EIF2AK4: variants seen among roughly 807,000 people sequenced by gnomAD.
The protein encoded by EIF2AK4 is eIF-2-alpha kinase GCN2.
EIF2AK4 carries 139 observed loss-of-function variants against 211.1 expected under a neutral mutation model. The ratio of observed to expected loss-of-function variants is 0.66; its 90% CI spans 0.57 to 0.76. The LOEUF is 0.76. Among genes scored for constraint, EIF2AK4 ranks in the 30% least tolerant of loss-of-function variants. The pLI, the probability that EIF2AK4 is intolerant of heterozygous loss-of-function variation, is 0.00. For missense variants in EIF2AK4, 1,664 were observed against 2,043.8 expected (o/e 0.81, Z 3.58); for synonymous variants, 710 against 751.3 (o/e 0.94, Z 0.90).
chr15:40,030,932 G>A (rs942663560), intron 35 of EIF2AK4, among the ~76,000 whole-genome samples: 5 of 152,150 alleles, frequency 3.3e-5, no homozygotes, highest in Non-Finnish European at 7.4e-5. Flanking sequence ...GCATTATATA[G>A]AGAATAATAA....
At chr15:40,025,075 C>T (rs1339864304) in intron 32 of EIF2AK4, among the ~76,000 whole-genome samples, 3 of 152,254 alleles carry the variant, frequency 2.0e-5, no homozygotes, top group African/African-American at 7.2e-5. Flanking sequence ...CTCAAGAATT[C>T]GTGGTCCTGG....
In EIF2AK4 at chr15:39,990,323, T is replaced by C. The variant is rs201184165; in HGVS notation, c.2577T>C (p.Asp859=). The C allele has an allele frequency of 1.2e-6, 2 of 1,614,222 alleles. No individual in the cohort carries two copies. Among genetic ancestry groups the C allele is most frequent in the Admixed American group, 3.3e-5 (2 of 60,026 alleles). The change falls in exon 16 of 39, where the codon GAT becomes GAC. Residue 859 remains aspartate, a synonymous_variant. Transcript: ENST00000263791. ...LKPVNIFLDS[D]DHVKIGDFGL... is the part of the protein sequence containing the mutation. ...CTGTCAACATTTTTTTGGATTCTGA[T>C]GACCATGTGAAAATAGGTGATTTTG...
chr15:39,988,654 G>A (rs1311915637), intron 15 of EIF2AK4, among the ~76,000 whole-genome samples: 1 of 152,146 alleles, frequency 6.6e-6, no homozygotes, highest in African/African-American at 2.4e-5. Context: ...TAACCTCTGG[G>A]AGAGGAGAAA....
At chr15:40,002,854 TG>T in intron 22 of EIF2AK4, 66 bp downstream of exon 22, 1 of 1,545,760 alleles carries the variant, frequency 6.5e-7, no homozygotes, top group South Asian at 1.1e-5. Flanking sequence ...TAGAAAGTAC[TG>T]TTAGTGTTCG....
chr15:40,013,774 T>C lies in EIF2AK4; in HGVS notation c.3759+2428T>C, dbSNP rs900150799. 2.9e-4 allele frequency among the ~76,000 whole-genome samples: 44 copies of C among 152,192 alleles called. 1 individual carries two copies. The highest frequency in any genetic ancestry group is 2.5e-4 in the Non-Finnish European group (17 of 68,030). ...GATGAAATTTGCATGGGGACACAGC[T>C]AAACCATATCATTCTACCCATGGCC... is the stretch of plus-strand genomic sequence containing the variant. On this transcript the variant is annotated intron_variant, in intron 27 of 38. Coordinates refer to ENST00000263791, the MANE Select transcript of EIF2AK4 (RefSeq NM_001013703.4).
At chr15:40,019,824 A>G (rs943736290) in intron 30 of EIF2AK4, among the ~76,000 whole-genome samples, 1 of 152,176 alleles carries the variant, frequency 6.6e-6, no homozygotes, top group Non-Finnish European at 1.5e-5. Context: ...AACGTACCAT[A>G]TAAATGTGAG....
chr15:40,027,981 C>T (rs750853442), intron 33 of EIF2AK4, among the ~76,000 whole-genome samples: 1 of 151,664 alleles, frequency 6.6e-6, no homozygotes, highest in Non-Finnish European at 1.5e-5. Flanking sequence ...AAAAAAATGT[C>T]TAGAAGAACG....
chr15:39,943,369 T>TG lies in EIF2AK4; in HGVS notation c.258-14_258-13insG. Reference sequence around the variant, plus strand: ...AGTAACTCTTTTTTTTTTTTTTTTTTTTGCCTTTTCCAGAGTTCCTGAAAT... The same window carrying TG: ...AGTAACTCTTTTTTTTTTTTTTTTTTGTTGCCTTTTCCAGAGTTCCTGAAAT... On this transcript the variant is annotated splice_polypyrimidine_tract_variant and intron_variant, in intron 2 of 38. Coordinates refer to ENST00000263791, the MANE Select transcript of EIF2AK4 (RefSeq NM_001013703.4). 7.1e-7 allele frequency: 1 copy of TG among 1,405,224 alleles called. No homozygotes were observed. The highest frequency in any genetic ancestry group is 9.5e-7 in the Non-Finnish European group (1 of 1,050,814). 87.0% of individuals were successfully genotyped at this position (1,405,224 alleles called of 1,614,324 possible). A position where few individuals can be genotyped will look rare whatever the true frequency, so the allele number is the denominator to read the frequency against.
At chr15:40,022,447 A>G in intron 31 of EIF2AK4, 72 bp from the exon 32 acceptor site, 1 of 1,254,666 alleles carries the variant, frequency 8.0e-7, no homozygotes, top group Non-Finnish European at 1.1e-6. Context: ...CAGTATTTTC[A>G]TTCTCCTTAA....
intron 13 of EIF2AK4, among the ~76,000 whole-genome samples, chr15:39,982,941 A>C (rs866281922): frequency 6.6e-6 from 1 of 152,310 alleles, no homozygotes; most frequent in South Asian, 2.1e-4. Context: ...TATCCAGTCT[A>C]TCATTGATGG....
rs758217355 is a variant in EIF2AK4 at position 39,967,751 on chromosome 15, G to A, written c.1425G>A (p.Thr475=). ...RFSDNALPYK[T]GKKGDVWRLG... ...GTGACAATGCTCTGCCTTATAAAACGGGGAAGAAAGGAGATGTTTGGCGTC... is the reference window on the plus strand; with the variant it reads ...GTGACAATGCTCTGCCTTATAAAACAGGGAAGAAAGGAGATGTTTGGCGTC... Residue 475 remains threonine (T), a synonymous_variant, in exon 9 of 39, where the codon ACG becomes ACA. Transcript: ENST00000263791. 4 of 1,614,046 alleles carry A rather than the reference G, an allele frequency of 2.5e-6. No individual in the cohort carries two copies. Among genetic ancestry groups the A allele is most frequent in the South Asian group, 1.1e-5 (1 of 91,074 alleles).
chr15:39,975,246 A>ATAAGGTTATCTCC (rs1566991147), intron 11 of EIF2AK4: 2 of 151,994 alleles, frequency 1.3e-5, no homozygotes, highest in African/African-American at 4.8e-5. Context: ...TTTGCCTGAG[A>ATAAGGTTATCTCC]TAAGGGAGAT....
chr15:40,021,297 G>A (rs1309174270), intron 31 of EIF2AK4, among the ~76,000 whole-genome samples: 1 of 152,166 alleles, frequency 6.6e-6, no homozygotes, highest in Admixed American at 6.5e-5. Flanking sequence ...GAAGCTCTAG[G>A]GGAGAATCTG....
At position 40,034,326 on chromosome 15, in the gene EIF2AK4, T is replaced by G. The variant is rs777094875; in HGVS notation, c.4774T>G (p.Trp1592Gly). Residue 1592 changes from tryptophan (W) to glycine (G), a missense_variant and splice_region_variant, in exon 38 of 39, where the codon TGG becomes GGG. Trp to Gly is a radical substitution (Grantham distance 184). Coordinates refer to ENST00000263791, the MANE Select transcript of EIF2AK4 (RefSeq NM_001013703.4). Reference sequence around the variant, plus strand: ...TAAGTCTTATCTATTTTTTTCCTAGTGGGATGCTGATGAACAGGCATTTAA... The same window carrying G: ...TAAGTCTTATCTATTTTTTTCCTAGGGGGATGCTGATGAACAGGCATTTAA... ...ETILQFLSLE[W>G]DADEQAFNTT... 1 of 1,613,364 alleles carries G rather than the reference T, an allele frequency of 6.2e-7. No homozygotes were observed. The highest frequency in any genetic ancestry group is 8.5e-7 in the Non-Finnish European group (1 of 1,179,586).
intron 31 of EIF2AK4, chr15:40,022,042 C>T (rs1334258969): frequency 6.5e-6 from 1 of 153,172 alleles, no homozygotes; most frequent in African/African-American, 2.4e-5. Flanking sequence ...AAAATCCAAG[C>T]CTCGTGGCCA....
intron 18 of EIF2AK4, among the ~76,000 whole-genome samples, chr15:39,994,126 T>C (rs1455224883): frequency 6.6e-6 from 1 of 152,186 alleles, no homozygotes; most frequent in Admixed American, 6.5e-5. Context: ...GTTTGAGGCA[T>C]GTTAGTTTGA....
Position 40,029,479 on chromosome 15 carries a change from TA to T in EIF2AK4, c.4561+16del. On this transcript the variant is annotated intron_variant, in intron 34 of 38. Coordinates refer to ENST00000263791, the MANE Select transcript of EIF2AK4 (RefSeq NM_001013703.4). ...TAATGCTTCAGGTATAATTACTAAT[TA>T]TAATCTGAACATAATGATGCTTATA... 1 of 1,611,378 alleles carries T rather than the reference TA, an allele frequency of 6.2e-7. No homozygotes were observed. Among genetic ancestry groups the T allele is most frequent in the Non-Finnish European group, 8.5e-7 (1 of 1,178,874 alleles).
chr15:39,972,329 G>A (rs759434327), intron 9 of EIF2AK4, among the ~76,000 whole-genome samples: 24 of 146,010 alleles, frequency 1.6e-4, no homozygotes, highest in South Asian at 4.3e-4. Context: ...CAGCCTGGGC[G>A]ATACGGCAAG....
chr15:39,972,853 C>A (rs1332935088), intron 9 of EIF2AK4, 55 bp from the exon 10 acceptor site: 1 of 1,397,184 alleles, frequency 7.2e-7, no homozygotes, highest in African/African-American at 1.4e-5. Context: ...CTTGGATTAA[C>A]TAGTTTAGCA....
Sources: allele counts gnomAD v4.1 joint callset (sites outside exome capture counted in the v4.1 genomes callset), GRCh38; gene constraint gnomAD v4.1.1; transcripts MANE v1.5; gene names NCBI Gene and HGNC (gene_info 2026-07-23, HGNC 2026-07-21).